WDR25: variants seen among roughly 807,000 people sequenced by gnomAD.
WDR25 encodes WD repeat domain 25.
WDR25 carries 35 observed loss-of-function variants against 47.7 expected under a neutral mutation model. The observed-to-expected ratio is 0.73, with a 90% CI of 0.56 to 0.97. The LOEUF is 0.97. Among genes scored for constraint, WDR25 ranks in the 50% least tolerant of loss-of-function variants. The probability of loss-of-function intolerance (pLI) is 0.00; values close to 1 mark genes in which losing one functional copy is unlikely to be tolerated. For synonymous variants in WDR25, 248 were observed against 278.9 expected (o/e 0.89, Z 1.10); for missense variants, 634 against 704.7 (o/e 0.90, Z 1.14).
intron 2 of WDR25, among the ~76,000 whole-genome samples, chr14:100,453,142 C>T (rs1254348708): frequency 1.3e-5 from 2 of 152,128 alleles, no homozygotes; most frequent in South Asian, 2.1e-4. Context: ...GAACTCACCA[C>T]GAGACAACCT....
intron 4 of WDR25, among the ~76,000 whole-genome samples, chr14:100,486,304 A>AT (rs922575243): frequency 2.6e-5 from 4 of 152,008 alleles, no homozygotes; most frequent in Admixed American, 6.6e-5. Flanking sequence ...AAAATACCGG[A>AT]TTTTTTCCCA....
chr14:100,445,692 T>C (rs1286630362), intron 2 of WDR25, among the ~76,000 whole-genome samples: 2 of 152,152 alleles, frequency 1.3e-5, no homozygotes, highest in Non-Finnish European at 2.9e-5. Context: ...TTCCAGGCTT[T>C]TGTTCTGAAA....
At chr14:100,485,647 C>T (rs987290983) in intron 4 of WDR25, among the ~76,000 whole-genome samples, 1 of 152,170 alleles carries the variant, frequency 6.6e-6, no homozygotes, top group African/African-American at 2.4e-5. Context: ...TGAACATCTG[C>T]CTTGGTCCTA....
intron 1 of WDR25, 115 bp downstream of exon 1, chr14:100,376,610 C>T: frequency 8.1e-7 from 1 of 1,231,976 alleles, no homozygotes; most frequent in East Asian, 3.2e-5. Context: ...CTTTCACTTC[C>T]TGTTCCTTCA....
At chr14:100,509,264 A>T (rs773568236) in intron 4 of WDR25, among the ~76,000 whole-genome samples, 25 of 152,220 alleles carry the variant, frequency 1.6e-4, no homozygotes, top group Non-Finnish European at 3.2e-4. Flanking sequence ...AACGTGGGCC[A>T]TTCAGGTGTC....
chr14:100,381,318 G>A lies in WDR25; in HGVS notation c.394G>A (p.Ala132Thr). The change falls in exon 2 of 7, where the codon GCC (alanine) becomes ACC (threonine). Residue 132 changes from alanine (A) to threonine (T), a missense_variant. Ala to Thr is a moderately conservative substitution (Grantham distance 58). Coordinates refer to ENST00000402312, the MANE Select transcript of WDR25 (RefSeq NM_001161476.3). The stretch of plus-strand genomic sequence containing the variant: ...AGCCAGCCACATGCCCCTGGCAGCT[G>A]CCCGCTTTAAGCAAGTAAAACTCTC... ...VPASHMPLAAARFKQVKLSRN... is the reference protein window; with the variant it reads ...VPASHMPLAATRFKQVKLSRN... 1 of 1,614,216 alleles carries A rather than the reference G, an allele frequency of 6.2e-7. No individual in the cohort carries two copies. Among genetic ancestry groups the A allele is most frequent in the Non-Finnish European group, 8.5e-7 (1 of 1,180,044 alleles).
At chr14:100,464,270 A>AC (rs1174815222) in intron 2 of WDR25, among the ~76,000 whole-genome samples, 3 of 152,088 alleles carry the variant, frequency 2.0e-5, no homozygotes, top group Non-Finnish European at 4.4e-5. Flanking sequence ...CCCCTTCAGG[A>AC]CTTCCTCCAA....
chr14:100,486,834 T>C (rs897106782), intron 4 of WDR25, among the ~76,000 whole-genome samples: 1 of 152,190 alleles, frequency 6.6e-6, no homozygotes, highest in Non-Finnish European at 1.5e-5. Flanking sequence ...AAGACAGGCC[T>C]TCCCTTTTAA....
chr14:100,381,023 CGG>C lies in WDR25; in HGVS notation c.100_101del (p.Gly34ProfsTer37). 6.2e-7 allele frequency: 1 copy of C among 1,614,204 alleles called. No homozygotes were observed. The highest frequency in any genetic ancestry group is 8.5e-7 in the Non-Finnish European group (1 of 1,180,052). On this transcript the variant is annotated frameshift_variant, in exon 2 of 7. Transcript: ENST00000402312. LOFTEE classifies it high-confidence loss of function. ...AGCATGCAGGAAGTTTTAATGCTACCGGCCAGCAGAAAGACACTTCTGGTGTG... is the reference window on the plus strand; with the variant it reads ...AGCATGCAGGAAGTTTTAATGCTACCCCAGCAGAAAGACACTTCTGGTGTG... ...TEHAGSFNAT[G>X]QQKDTSGVAR...
chr14:100,515,175 TTGG>T (rs150378687), intron 4 of WDR25, among the ~76,000 whole-genome samples: 2,286 of 152,324 alleles, frequency 0.015, 56 homozygotes, highest in African/African-American at 0.051. Context: ...ACAATGGGCC[TTGG>T]TGTAATTTTT....
At chr14:100,509,222 A>T (rs1329780095) in intron 4 of WDR25, among the ~76,000 whole-genome samples, 1 of 152,206 alleles carries the variant, frequency 6.6e-6, no homozygotes, top group African/African-American at 2.4e-5. Flanking sequence ...TTGTAGGTAG[A>T]TATTGAATCA....
chr14:100,521,875 G>T (rs960312128), intron 4 of WDR25, among the ~76,000 whole-genome samples: 2 of 152,156 alleles, frequency 1.3e-5, no homozygotes, highest in Non-Finnish European at 2.9e-5. Context: ...TGTACCATTT[G>T]CATTTCTGGC....
chr14:100,460,120 T>C, intron 2 of WDR25, among the ~76,000 whole-genome samples: 1 of 148,090 alleles, frequency 6.8e-6, no homozygotes, highest in African/African-American at 2.5e-5. Flanking sequence ...AAATTTTTTT[T>C]TTTTTTTTTT....
At chr14:100,436,037 G>C (rs1415045685) in intron 2 of WDR25, among the ~76,000 whole-genome samples, 1 of 152,170 alleles carries the variant, frequency 6.6e-6, no homozygotes, top group Non-Finnish European at 1.5e-5. Context: ...GGGAAGGATA[G>C]TACCACTGGC....
chr14:100,489,115 G>A (rs1156763435), intron 4 of WDR25, among the ~76,000 whole-genome samples: 1 of 152,262 alleles, frequency 6.6e-6, no homozygotes, highest in Non-Finnish European at 1.5e-5. Flanking sequence ...GAATTCAGCT[G>A]TAGTGAGTCA....
chr14:100,400,636 C>CA (rs1159455527), intron 2 of WDR25, among the ~76,000 whole-genome samples: 3 of 152,166 alleles, frequency 2.0e-5, no homozygotes, highest in Non-Finnish European at 2.9e-5. Context: ...TGTGAAAATG[C>CA]AAAAACATTT....
At chr14:100,402,555 T>C (rs1466494405) in intron 2 of WDR25, among the ~76,000 whole-genome samples, 3 of 152,076 alleles carry the variant, frequency 2.0e-5, no homozygotes, top group African/African-American at 4.8e-5. Context: ...TTCTGTCATT[T>C]TCCAGCTGAG....
intron 5 of WDR25, among the ~76,000 whole-genome samples, chr14:100,528,749 C>T (rs2030315049): frequency 6.6e-6 from 1 of 152,162 alleles, no homozygotes; most frequent in African/African-American, 2.4e-5. Context: ...TCCTGCCTGC[C>T]ACAGGGACAC....
chr14:100,463,063 C>T (rs1039288684), intron 2 of WDR25, among the ~76,000 whole-genome samples: 2 of 146,934 alleles, frequency 1.4e-5, no homozygotes, highest in Non-Finnish European at 3.0e-5. Flanking sequence ...TTCACCCCTT[C>T]CTCTCCCCCT....
Sources: allele counts gnomAD v4.1 joint callset (sites outside exome capture counted in the v4.1 genomes callset), GRCh38; gene constraint gnomAD v4.1.1; transcripts MANE v1.5; gene names NCBI Gene and HGNC (gene_info 2026-07-23, HGNC 2026-07-21).